Variants in TMC1 observed in about 807,000 individuals in gnomAD.
TMC1 encodes transmembrane channel-like protein 1.
A neutral mutation model predicts 105.8 loss-of-function variants in TMC1; 84 were observed. The observed-to-expected ratio is 0.79, with a 90% CI of 0.67 to 0.95. TMC1 has a LOEUF of 0.95. Among genes scored for constraint, TMC1 ranks in the 40% least tolerant of loss-of-function variants. TMC1 has a pLI of 0.00. For synonymous variants in TMC1, 315 were observed against 311.5 expected, an observed-to-expected ratio of 1.01 and a Z score of -0.12; for missense variants, 817 against 914.1, an observed-to-expected ratio of 0.89 and a Z score of 1.37.
rs140986122 is a variant in TMC1, at chr9:72,612,186, A to C, written c.-305-4182A>C. On this transcript the variant is annotated intron_variant, in intron 2 of 23. Coordinates refer to ENST00000297784, the MANE Select transcript of TMC1 (RefSeq NM_138691.3). The stretch of plus-strand genomic sequence containing the variant: ...TTTCTTAGGCCCTTGAAATTTCTCT[A>C]TACCCTGCTATATCTGTTCAATTGC... Among the ~76,000 whole-genome samples, 547 of 152,094 alleles carry C rather than the reference A, an allele frequency of 3.6e-3. 6 individuals carry two copies. Among genetic ancestry groups the C allele is most frequent in the Non-Finnish European group, 4.1e-3 (282 of 67,998 alleles).
intron 1 of TMC1, among the ~76,000 whole-genome samples, chr9:72,551,105 C>A (rs903222584): frequency 6.6e-6 from 1 of 152,056 alleles, no homozygotes; most frequent in African/African-American, 2.4e-5. Context: ...TGCAAGTGAC[C>A]TTAAATTGGA....
chr9:72,534,167 AAAAT>A (rs1012171281), intron 1 of TMC1, among the ~76,000 whole-genome samples: 2 of 152,184 alleles, frequency 1.3e-5, no homozygotes, highest in South Asian at 2.1e-4. Flanking sequence ...ATAAACAATA[AAAAT>A]AAATAAAGAC....
At chr9:72,750,051 G>A (rs1827554538) in intron 10 of TMC1, among the ~76,000 whole-genome samples, 1 of 152,168 alleles carries the variant, frequency 6.6e-6, no homozygotes, top group African/African-American at 2.4e-5. Flanking sequence ...AGGTTACAGT[G>A]AGCCAAGATT....
chr9:72,726,659 T>C (rs1364170424), intron 8 of TMC1, among the ~76,000 whole-genome samples: 1 of 152,164 alleles, frequency 6.6e-6, no homozygotes, highest in Non-Finnish European at 1.5e-5. Context: ...ATGCCATCGT[T>C]TAAAAGCATC....
At chr9:72,742,361 A>C in intron 9 of TMC1, 83 bp from the exon 10 acceptor site, 1 of 1,044,242 alleles carries the variant, frequency 9.6e-7, no homozygotes, top group South Asian at 1.3e-5. Flanking sequence ...AGCTTACTGC[A>C]TTGTAATGTT....
At chr9:72,790,508 AAT>A (rs1828249517) in intron 15 of TMC1, among the ~76,000 whole-genome samples, 1 of 152,230 alleles carries the variant, frequency 6.6e-6, no homozygotes, top group East Asian at 1.9e-4. Context: ...ATGGTCTCAT[AAT>A]TGTAATAGTA....
intron 17 of TMC1, among the ~76,000 whole-genome samples, chr9:72,797,876 A>C (rs902936558): frequency 2.0e-5 from 3 of 152,208 alleles, no homozygotes; most frequent in Non-Finnish European, 4.4e-5. Context: ...ATGGGATCTA[A>C]CTAAACTAAA....
At chr9:72,834,741 C>T (rs1829095040) in intron 23 of TMC1, among the ~76,000 whole-genome samples, 1 of 152,106 alleles carries the variant, frequency 6.6e-6, no homozygotes, top group Non-Finnish European at 1.5e-5. Context: ...TTATTCCAGT[C>T]TTCTGCCAGA....
intron 2 of TMC1, among the ~76,000 whole-genome samples, chr9:72,602,366 ATTTTTT>A (rs66682329): frequency 1.2e-4 from 10 of 86,552 alleles, no homozygotes; most frequent in African/African-American, 3.5e-4. Context: ...CCTATTGGTG[ATTTTTT>A]TTTTTTTTTT....
intron 9 of TMC1, chr9:72,741,473 C>G (rs1827388960): frequency 3.3e-6 from 1 of 300,940 alleles, no homozygotes; most frequent in Non-Finnish European, 6.3e-6. Context: ...CTTCCAGTTT[C>G]TTGCCAACAA....
chr9:72,708,857 AT>A (rs970502060), intron 8 of TMC1, among the ~76,000 whole-genome samples: 10 of 152,174 alleles, frequency 6.6e-5, no homozygotes, highest in African/African-American at 1.9e-4. Context: ...GCTTTCAACT[AT>A]TCCCTGTTCA....
intron 2 of TMC1, among the ~76,000 whole-genome samples, chr9:72,607,348 G>C (rs929101872): frequency 6.6e-6 from 1 of 152,124 alleles, no homozygotes; most frequent in Non-Finnish European, 1.5e-5. Flanking sequence ...TGCCAGGCGT[G>C]GTGGCTCACG....
In TMC1 at chr9:72,816,181, C is replaced by T. The variant is rs374323593; in HGVS notation, c.1734C>T (p.Leu578=). The part of the protein sequence containing the change: ...YTEFDISGNV[L]ALIFNQGMIW... The stretch of plus-strand genomic sequence containing the variant: ...AATTCGACATCAGTGGCAACGTCCT[C>T]GCTCTGATCTTCAACCAAGGCATGA... Residue 578 remains leucine (L), a synonymous_variant, in exon 19 of 24, where the codon CTC becomes CTT. Coordinates refer to ENST00000297784, the MANE Select transcript of TMC1 (RefSeq NM_138691.3). 26 of 1,613,608 alleles carry T rather than the reference C, an allele frequency of 1.6e-5. No individual in the cohort carries two copies. Among genetic ancestry groups the T allele is most frequent in the Non-Finnish European group, 2.2e-5 (26 of 1,179,594 alleles).
chr9:72,759,536 T>C (rs1412679615), intron 12 of TMC1, among the ~76,000 whole-genome samples: 4 of 152,098 alleles, frequency 2.6e-5, no homozygotes, highest in South Asian at 2.1e-4. Context: ...TGAGTTTTAG[T>C]AGGATTTGGT....
At chr9:72,665,194 A>T (rs753483335) in intron 5 of TMC1, among the ~76,000 whole-genome samples, 50 of 152,176 alleles carry the variant, frequency 3.3e-4, no homozygotes, top group Non-Finnish European at 4.3e-4. Context: ...AAGTGTCGTT[A>T]TGTGGTACGT....
At chr9:72,567,513 A>G (rs936327013) in intron 1 of TMC1, among the ~76,000 whole-genome samples, 1 of 152,190 alleles carries the variant, frequency 6.6e-6, no homozygotes, top group African/African-American at 2.4e-5. Context: ...AACTCAGGAA[A>G]CTTACAATTA....
At chr9:72,543,997 G>A (rs1823723432) in intron 1 of TMC1, among the ~76,000 whole-genome samples, 3 of 139,134 alleles carry the variant, frequency 2.2e-5, no homozygotes. Context: ...TTTCACCCAG[G>A]CTGGAGTGCA....
In TMC1 at chr9:72,820,945, G is replaced by A. The variant is rs1349151202; in HGVS notation, c.1867G>A (p.Glu623Lys). 5.0e-6 allele frequency: 8 copies of A among 1,614,012 alleles called. No individual in the cohort carries two copies. The African/African-American group carries it at 8.0e-5, about 16-fold the overall frequency. The change falls in exon 20 of 24, where the codon GAG becomes AAG. Residue 623 changes from glutamate (E) to lysine (K), a missense_variant. Physicochemically the swap from Glu to Lys is moderately conservative, Grantham distance 56. Coordinates refer to ENST00000297784, the MANE Select transcript of TMC1 (RefSeq NM_138691.3). The part of the protein sequence containing the change: ...CWAVMCCNVP[E>K]ARVFKASRSN... ...GGCCGTTATGTGCTGCAATGTTCCTGAGGCCAGGGTCTTCAAAGCTTCCAG... is the reference window on the plus strand; with the variant it reads ...GGCCGTTATGTGCTGCAATGTTCCTAAGGCCAGGGTCTTCAAAGCTTCCAG...
At chr9:72,835,173 G>C (rs531219450) in intron 23 of TMC1, among the ~76,000 whole-genome samples, 1 of 151,642 alleles carries the variant, frequency 6.6e-6, no homozygotes, top group East Asian at 1.9e-4. Context: ...TTTCTTGACT[G>C]TCATGTTTGT....
Sources: allele counts gnomAD v4.1 joint callset (sites outside exome capture counted in the v4.1 genomes callset), GRCh38; gene constraint gnomAD v4.1.1; transcripts MANE v1.5; gene names NCBI Gene and HGNC (gene_info 2026-07-23, HGNC 2026-07-21).